Variants in MYO1E observed in about 807,000 individuals in gnomAD.
MYO1E encodes unconventional myosin-Ie.
In MYO1E, 68 loss-of-function variants were observed where a neutral mutation model predicts 151.1. That is an observed-to-expected ratio of 0.45 (90% CI 0.37 to 0.55). The LOEUF (loss-of-function observed/expected upper bound fraction) is 0.55, where lower values mean the gene tolerates loss of function less well. Among genes scored for constraint, MYO1E ranks in the 20% least tolerant of loss-of-function variants. The probability of loss-of-function intolerance (pLI) is 0.00; values close to 1 mark genes in which losing one functional copy is unlikely to be tolerated. For missense variants in MYO1E, 1,363 were observed against 1,389.3 expected, an observed-to-expected ratio of 0.98 and a Z score of 0.30; for synonymous variants, 601 against 501.7, an observed-to-expected ratio of 1.20 and a Z score of -2.64.
At chr15:59,296,457 C>T (rs1403826171) in intron 1 of MYO1E, among the ~76,000 whole-genome samples, 1 of 152,208 alleles carries the variant, frequency 6.6e-6, no homozygotes, top group Non-Finnish European at 1.5e-5. Flanking sequence ...AAATTCTTGG[C>T]TCTGCATGGC....
chr15:59,361,130 GC>G (rs1457607925), intron 1 of MYO1E, among the ~76,000 whole-genome samples: 1 of 152,114 alleles, frequency 6.6e-6, no homozygotes, highest in Non-Finnish European at 1.5e-5. Flanking sequence ...CCATCCCATG[GC>G]CCCAGCTGAG....
chr15:59,263,834 T>C (rs1398634232), intron 2 of MYO1E, among the ~76,000 whole-genome samples: 1 of 152,158 alleles, frequency 6.6e-6, no homozygotes, highest in Non-Finnish European at 1.5e-5. Context: ...AGAAGGGCCA[T>C]GGAAAATGTA....
chr15:59,337,455 C>G (rs1285792688), intron 1 of MYO1E, among the ~76,000 whole-genome samples: 1 of 152,164 alleles, frequency 6.6e-6, no homozygotes, highest in African/African-American at 2.4e-5. Flanking sequence ...TTATTCTGTT[C>G]TACAATTTCG....
intron 2 of MYO1E, among the ~76,000 whole-genome samples, chr15:59,268,037 A>G (rs1390730662): frequency 6.6e-6 from 1 of 152,184 alleles, no homozygotes; most frequent in African/African-American, 2.4e-5. Flanking sequence ...TTAGATATAG[A>G]AGGGATAAAG....
At chr15:59,197,368 C>A (rs532620603) in intron 16 of MYO1E, among the ~76,000 whole-genome samples, 2 of 152,274 alleles carry the variant, frequency 1.3e-5, no homozygotes, top group South Asian at 4.1e-4. Flanking sequence ...TTCTTTTTCA[C>A]CTCAGCATAA....
chr15:59,354,539 G>A (rs1308201102), intron 1 of MYO1E, among the ~76,000 whole-genome samples: 2 of 152,126 alleles, frequency 1.3e-5, no homozygotes, highest in African/African-American at 2.4e-5. Flanking sequence ...GGCAGAACTC[G>A]AACAGACTGC....
At chr15:59,188,690 C>T (rs754004552) in intron 17 of MYO1E, among the ~76,000 whole-genome samples, 3 of 151,734 alleles carry the variant, frequency 2.0e-5, no homozygotes, top group South Asian at 2.1e-4. Context: ...AGTGAGACTC[C>T]GTCTCAGAAA....
At chr15:59,297,855 T>C (rs1048873352) in intron 1 of MYO1E, among the ~76,000 whole-genome samples, 6 of 152,214 alleles carry the variant, frequency 3.9e-5, no homozygotes, top group Non-Finnish European at 8.8e-5. Context: ...GTGCTGGGAT[T>C]ACAGGCATGA....
intron 23 of MYO1E, among the ~76,000 whole-genome samples, chr15:59,162,250 T>C (rs1385269140): frequency 6.6e-6 from 1 of 152,108 alleles, no homozygotes; most frequent in Non-Finnish European, 1.5e-5. Context: ...CTTACTATAT[T>C]GCCCAGACTA....
At chr15:59,179,990 G>T (rs955777807) in intron 18 of MYO1E, among the ~76,000 whole-genome samples, 4 of 152,210 alleles carry the variant, frequency 2.6e-5, no homozygotes, top group African/African-American at 9.6e-5. Flanking sequence ...CTACTGTCAC[G>T]ATTAGACTGA....
chr15:59,236,370 ACACACACACAC>A, intron 5 of MYO1E, among the ~76,000 whole-genome samples: 1 of 1,010 alleles, frequency 9.9e-4, no homozygotes. Context: ...AAAAATATAT[ACACACACACAC>A]ACACACACAC....
intron 17 of MYO1E, among the ~76,000 whole-genome samples, chr15:59,192,444 G>T (rs558850224): frequency 6.6e-6 from 1 of 152,252 alleles, no homozygotes; most frequent in South Asian, 2.1e-4. Context: ...ATCAGGGTTG[G>T]TGAACTTCCA....
At position 59,242,953 on chromosome 15, in the gene MYO1E, T is replaced by C. The variant is rs142685638; in HGVS notation, c.333-6281A>G. ...AACATGGCAAACACAGAGAACAAGA[T>C]AGAAAAGTCAGAGAGGTACACAGAG... On this transcript the variant is annotated intron_variant, in intron 4 of 27. Coordinates refer to ENST00000288235, the MANE Select transcript of MYO1E (RefSeq NM_004998.4). Among the ~76,000 whole-genome samples the C allele has an allele frequency of 3.0e-4, 46 of 152,044 alleles. No individual in the cohort carries two copies. The East Asian group carries it at 7.5e-3, about 25-fold the overall frequency.
At chr15:59,198,729 G>C (rs1173393764) in intron 16 of MYO1E, among the ~76,000 whole-genome samples, 7 of 152,036 alleles carry the variant, frequency 4.6e-5, no homozygotes, top group African/African-American at 1.7e-4. Flanking sequence ...TGAGGCAGGA[G>C]GATCGCTTGA....
chr15:59,178,510 C>G lies in MYO1E; in HGVS notation c.1932G>C (p.Trp644Cys), dbSNP rs1183614185. Residue 644 changes from tryptophan (W) to cysteine (C), a missense_variant, in exon 19 of 28, where the codon TGG becomes TGC. Trp to Cys is a radical substitution (Grantham distance 215, BLOSUM62 -2). Transcript: ENST00000288235. ...QRYAILTKAT[W>C]PSWQGEEKQG... ...GCTTCTCCTCTCCCTGCCAAGAAGG[C>G]CAGGTGGCTTTGGTCAGAATGGCAT... 1 of 1,614,178 alleles carries G rather than the reference C, an allele frequency of 6.2e-7. No homozygotes were observed. Among genetic ancestry groups the G allele is most frequent in the South Asian group, 1.1e-5 (1 of 91,084 alleles).
chr15:59,187,490 G>A (rs1032180), intron 18 of MYO1E, among the ~76,000 whole-genome samples: 63,232 of 152,130 alleles, frequency 0.42, 15,190 homozygotes, highest in African/African-American at 0.64. Context: ...TACAAAATGT[G>A]AAGTGGTGCA....
intron 5 of MYO1E, among the ~76,000 whole-genome samples, chr15:59,233,252 C>A (rs2080039280): frequency 6.6e-6 from 1 of 152,112 alleles, no homozygotes; most frequent in Admixed American, 6.5e-5. Context: ...CTTTATGTAT[C>A]CATTCATCCA....
chr15:59,253,424 T>C (rs888385152), intron 4 of MYO1E, among the ~76,000 whole-genome samples: 5 of 151,256 alleles, frequency 3.3e-5, no homozygotes, highest in African/African-American at 7.3e-5. Context: ...AGGCATGAAG[T>C]GCACAGCATC....
chr15:59,359,943 G>C (rs1311775444), intron 1 of MYO1E: 1 of 152,180 alleles, frequency 6.6e-6, no homozygotes, highest in Non-Finnish European at 1.5e-5. Context: ...TGAGCAGTTA[G>C]TGTCTAGCTT....
Sources: gnomAD v4.1 joint callset for allele counts (sites outside exome capture counted in the v4.1 genomes callset) on GRCh38, gnomAD v4.1.1 for gene constraint, MANE v1.5 for transcripts, NCBI Gene and HGNC (gene_info 2026-07-23, HGNC 2026-07-21) for gene names.